The following LIMS1 variants were observed in gnomAD, a reference collection of about 807,000 sequenced individuals.
LIMS1 encodes the protein LIM and senescent cell antigen-like-containing domain protein 1.
Under a neutral mutation model 44.1 loss-of-function variants are expected in LIMS1, and 18 were observed. The observed-to-expected ratio is 0.41, with a 90% confidence interval of 0.28 to 0.61. The LOEUF is 0.61. LIMS1 is among the 20% of genes least tolerant of loss of function. The pLI is 0.32. For synonymous variants in LIMS1, 93 were observed against 149.1 expected, an observed-to-expected ratio of 0.62 and a Z score of 2.74; for missense variants, 201 against 422.0, an observed-to-expected ratio of 0.48 and a Z score of 4.59.
intron 1 of LIMS1, among the ~76,000 whole-genome samples, chr2:108,623,292 G>A (rs772690983): frequency 1.3e-5 from 2 of 151,734 alleles, no homozygotes; most frequent in African/African-American, 2.4e-5. Flanking sequence ...GATTAAATGA[G>A]GTTTCTGAGC....
chr2:108,674,564 T>TA (rs1573614230), intron 5 of LIMS1, among the ~76,000 whole-genome samples: 2 of 148,138 alleles, frequency 1.4e-5, no homozygotes, highest in South Asian at 2.2e-4. Context: ...CTACTAAGAA[T>TA]AAAAAAATTA....
intron 1 of LIMS1, among the ~76,000 whole-genome samples, chr2:108,587,029 G>A (rs542358896): frequency 6.6e-5 from 10 of 152,308 alleles, no homozygotes; most frequent in African/African-American, 1.7e-4. Context: ...AGCTGGGACC[G>A]TTGGATTTCA....
At chr2:108,581,164 G>T (rs549475524) in intron 1 of LIMS1, among the ~76,000 whole-genome samples, 4 of 152,132 alleles carry the variant, frequency 2.6e-5, no homozygotes, top group African/African-American at 4.8e-5. Context: ...ATCTCTGAGC[G>T]CACAAAACCA....
At chr2:108,534,184 G>A (rs980649934), upstream of LIMS1, 1 of 153,646 alleles carries the variant, frequency 6.5e-6, no homozygotes, top group African/African-American at 2.4e-5. Flanking sequence ...CGCTGCGTTT[G>A]CGCCAGCCTC....
rs181604903 is a variant in LIMS1 at position 108,569,540 on chromosome 2, C to T, written c.32+34946C>T. Among the ~76,000 whole-genome samples the T allele has an allele frequency of 3.3e-5, 5 of 152,106 alleles. No individual in the cohort carries two copies. In the East Asian group the frequency reaches 7.7e-4, roughly 24 times the overall value. ...ATTCATTCTTTTGAATGTGGATGTC[C>T]GGTTTTCCTAGCATCATTTGTTGAA... On this transcript the variant is annotated intron_variant, in intron 1 of 9. Transcript: ENST00000544547.
intron 1 of LIMS1, among the ~76,000 whole-genome samples, chr2:108,618,924 A>G (rs563719822): frequency 2.9e-4 from 44 of 152,068 alleles, no homozygotes; most frequent in African/African-American, 9.9e-4. Context: ...GAACATAAGC[A>G]TTGATTTGCT....
chr2:108,549,778 A>C (rs796446851), intron 1 of LIMS1, among the ~76,000 whole-genome samples: 19 of 152,354 alleles, frequency 1.2e-4, no homozygotes, highest in African/African-American at 4.6e-4. Context: ...ACAGGCAAGA[A>C]TAGCAAAAAG....
exon 10 of LIMS1, chr2:108,684,791 A>G (rs570604174): frequency 6.6e-6 from 1 of 152,164 alleles, no homozygotes; most frequent in East Asian, 1.9e-4. Flanking sequence ...AATGTTAAGC[A>G]TGTAGTCTTA....
intron 1 of LIMS1, among the ~76,000 whole-genome samples, chr2:108,541,306 G>T (rs927176201): frequency 6.6e-6 from 1 of 152,222 alleles, no homozygotes; most frequent in Non-Finnish European, 1.5e-5. Flanking sequence ...TTAAAGCTGG[G>T]CACATTGCTG....
intron 3 of LIMS1, among the ~76,000 whole-genome samples, chr2:108,671,467 A>G (rs2438755): frequency 0.035 from 5,383 of 152,000 alleles, 345 homozygotes; most frequent in African/African-American, 0.12. Context: ...GGTTTTGCCC[A>G]GAAAGAGGCA....
intron 2 of LIMS1, among the ~76,000 whole-genome samples, chr2:108,666,911 G>A (rs1298522063): frequency 6.6e-6 from 1 of 152,134 alleles, no homozygotes; most frequent in Non-Finnish European, 1.5e-5. Context: ...ACCTTCTCTG[G>A]CTGCACCACC....
intron 1 of LIMS1, among the ~76,000 whole-genome samples, chr2:108,565,430 A>T (rs1685262536): frequency 6.6e-6 from 1 of 151,922 alleles, no homozygotes; most frequent in South Asian, 2.1e-4. Context: ...AAAGTAACTT[A>T]AACTGCATTA....
chr2:108,625,947 CCT>C (rs1688549886), intron 1 of LIMS1, among the ~76,000 whole-genome samples: 1 of 152,124 alleles, frequency 6.6e-6, no homozygotes, highest in African/African-American at 2.4e-5. Flanking sequence ...TAATTGAACC[CCT>C]GTTATAGGCC....
intron 1 of LIMS1, among the ~76,000 whole-genome samples, chr2:108,623,948 C>T (rs1397937514): frequency 1.3e-5 from 2 of 152,216 alleles, no homozygotes; most frequent in African/African-American, 4.8e-5. Flanking sequence ...ATAGTTCCGG[C>T]GTCAAACTTG....
At chr2:108,613,390 G>A (rs1212998195) in intron 1 of LIMS1, among the ~76,000 whole-genome samples, 1 of 152,182 alleles carries the variant, frequency 6.6e-6, no homozygotes, top group Non-Finnish European at 1.5e-5. Flanking sequence ...AGTTCACCAG[G>A]TCTGTTTGTT....
chr2:108,590,828 T>A (rs1686347456), intron 1 of LIMS1, among the ~76,000 whole-genome samples: 1 of 152,236 alleles, frequency 6.6e-6, no homozygotes, highest in Non-Finnish European at 1.5e-5. Flanking sequence ...CCTGCCCTAT[T>A]CCTTTCTGTG....
intron 9 of LIMS1, 83 bp from the exon 10 acceptor site, chr2:108,683,802 G>A (rs78160406): frequency 0.012 from 8,440 of 685,644 alleles, 96 homozygotes; most frequent in African/African-American, 0.036. Flanking sequence ...GTTTAGTTCA[G>A]TACAATTACT....
chr2:108,547,055 G>A (rs1421451157), intron 1 of LIMS1, among the ~76,000 whole-genome samples: 1 of 152,198 alleles, frequency 6.6e-6, no homozygotes, highest in Non-Finnish European at 1.5e-5. Flanking sequence ...GGGAGTTGTG[G>A]TTTGAAGTTG....
At chr2:108,567,239 C>T (rs1685323383) in intron 1 of LIMS1, among the ~76,000 whole-genome samples, 1 of 152,080 alleles carries the variant, frequency 6.6e-6, no homozygotes, top group Admixed American at 6.6e-5. Context: ...CAGTTTCCTC[C>T]CGCATCCCAA....
Sources: allele counts gnomAD v4.1 joint callset (sites outside exome capture counted in the v4.1 genomes callset), GRCh38; gene constraint gnomAD v4.1.1; transcripts MANE v1.5; gene names NCBI Gene and HGNC (gene_info 2026-07-23, HGNC 2026-07-21).